TET2: variants seen among roughly 807,000 people sequenced by gnomAD.
The protein encoded by TET2 is methylcytosine dioxygenase TET2.
TET2 carries 299 observed loss-of-function variants against 142.9 expected under a neutral mutation model. That is an observed-to-expected ratio of 2.09 (90% confidence interval 1.90 to 2.30). The LOEUF (loss-of-function observed/expected upper bound fraction) is 2.30. Among genes scored for constraint, TET2 ranks in the 30% most tolerant of loss-of-function variants. The pLI, the probability that TET2 is intolerant of heterozygous loss-of-function variation, is 0.00. For synonymous variants in TET2, 819 were observed against 849.0 expected (o/e 0.96, Z 0.61); for missense variants, 2,418 against 2,378.0 (o/e 1.02, Z -0.35).
chr4:105,162,383 A>C (rs1450523801), intron 1 of TET2, among the ~76,000 whole-genome samples: 1 of 152,220 alleles, frequency 6.6e-6, no homozygotes, highest in African/African-American at 2.4e-5. Context: ...GATCATGAAT[A>C]CTGATACAGA....
chr4:105,252,817 A>G (rs987476233), intron 6 of TET2, among the ~76,000 whole-genome samples: 3 of 152,170 alleles, frequency 2.0e-5, no homozygotes, highest in Non-Finnish European at 2.9e-5. Flanking sequence ...TGCAAAAGCT[A>G]TAAAGACTAT....
chr4:105,201,540 T>C (rs1357217402), intron 2 of TET2, among the ~76,000 whole-genome samples: 1 of 152,082 alleles, frequency 6.6e-6, no homozygotes, highest in Non-Finnish European at 1.5e-5. Flanking sequence ...GTTCCACAAG[T>C]GGAAGTATTG....
At chr4:105,258,856 A>G (rs1197775919) in intron 6 of TET2, among the ~76,000 whole-genome samples, 2 of 152,188 alleles carry the variant, frequency 1.3e-5, no homozygotes, top group Non-Finnish European at 2.9e-5. Context: ...AACTAGGGCT[A>G]TAAAGCTGTA....
chr4:105,210,674 A>G (rs1727105978), intron 2 of TET2, among the ~76,000 whole-genome samples: 1 of 152,196 alleles, frequency 6.6e-6, no homozygotes, highest in Non-Finnish European at 1.5e-5. Flanking sequence ...AGCTCAAGAC[A>G]AAACTCTAGG....
chr4:105,273,707 T>TGA lies in TET2; in HGVS notation c.4537+801_4537+802dup, dbSNP rs555585065. On this transcript the variant is annotated intron_variant, in intron 10 of 10. Coordinates refer to ENST00000380013, the MANE Select transcript of TET2 (RefSeq NM_001127208.3). ...AAATAAGTAAGTTTGAAAATATGATTGAGAGAGAGAGAGGGGAGAATGAAA... is the reference window on the plus strand; with the variant it reads ...AAATAAGTAAGTTTGAAAATATGATTGAGAGAGAGAGAGAGGGGAGAATGAAA... Among the ~76,000 whole-genome samples the TGA allele has an allele frequency of 5.9e-5, 9 of 151,656 alleles. No homozygotes were observed. In the South Asian group the frequency reaches 1.7e-3, roughly 28 times the overall value.
In TET2 at chr4:105,276,191, C is replaced by T. The variant is rs1053451791; in HGVS notation, c.5681C>T (p.Pro1894Leu). 3 of 1,551,484 alleles carry T rather than the reference C, an allele frequency of 1.9e-6. No individual in the cohort carries two copies. The highest frequency in any genetic ancestry group is 2.6e-6 in the Non-Finnish European group (3 of 1,146,984). ...TPLKNPNRNH[P>L]TRISLVFYQH... ...TTAAAGAATCCCAATAGGAATCACC[C>T]CACCAGGATCTCCCTCGTCTTTTAC... Residue 1894 changes from proline (P) to leucine (L), a missense_variant, in exon 11 of 11, where the codon CCC (proline) becomes CTC (leucine). Pro to Leu is a moderately conservative substitution (Grantham distance 98). Transcript: ENST00000380013.
intron 10 of TET2, 73 bp from the exon 11 acceptor site, chr4:105,274,975 C>T (rs2110310663): frequency 6.9e-7 from 1 of 1,449,230 alleles, no homozygotes; most frequent in Non-Finnish European, 9.1e-7. Flanking sequence ...ATTTAAGTAT[C>T]CTCACTAGCC....
chr4:105,150,194 A>C (rs930267814), intron 1 of TET2, among the ~76,000 whole-genome samples: 1 of 152,202 alleles, frequency 6.6e-6, no homozygotes, highest in African/African-American at 2.4e-5. Flanking sequence ...TTCTTATGAA[A>C]TTACCTTGAA....
At chr4:105,219,842 C>G (rs1033248178) in intron 2 of TET2, among the ~76,000 whole-genome samples, 1 of 152,080 alleles carries the variant, frequency 6.6e-6, no homozygotes, top group Non-Finnish European at 1.5e-5. Context: ...TTTAATAGGG[C>G]AACCACTCCC....
At chr4:105,275,022 T>G in intron 10 of TET2, 26 bp from the exon 11 acceptor site, 1 of 1,473,188 alleles carries the variant, frequency 6.8e-7, no homozygotes. Context: ...GATACCTGTT[T>G]CTGTTCTCTC....
rs1560727036 is a variant in TET2 at position 105,176,785 on chromosome 4, A to AT, written c.-192-13575_-192-13574insT. 1.4e-4 allele frequency among the ~76,000 whole-genome samples: 21 copies of AT among 152,308 alleles called. No individual in the cohort carries two copies. In the East Asian group the frequency reaches 3.9e-3, roughly 28 times the overall value. On this transcript the variant is annotated intron_variant, in intron 1 of 10. Transcript: ENST00000380013. Reference sequence around the variant, plus strand: ...AAAGGATTCTAAAGTTTATATGGAGAGGCAAAAGAGCAGAATAGCCAACTC... The same window carrying AT: ...AAAGGATTCTAAAGTTTATATGGAGATGGCAAAAGAGCAGAATAGCCAACTC...
At chr4:105,174,387 C>A (rs1162597938) in intron 1 of TET2, among the ~76,000 whole-genome samples, 1 of 151,906 alleles carries the variant, frequency 6.6e-6, no homozygotes, top group African/African-American at 2.4e-5. Context: ...AAGTAAAAAA[C>A]AAAACAAAAC....
intron 1 of TET2, chr4:105,177,589 T>G (rs1323522547): frequency 6.6e-6 from 1 of 152,242 alleles, no homozygotes; most frequent in Admixed American, 6.5e-5. Flanking sequence ...TACCGCTACA[T>G]ACCTGTTAGA....
In TET2 at chr4:105,269,641, G is replaced by A. The variant is rs775677220; in HGVS notation, c.4076G>A (p.Arg1359His). 14 of 1,551,372 alleles carry A rather than the reference G, an allele frequency of 9.0e-6. No individual in the cohort carries two copies. Among genetic ancestry groups the A allele is most frequent in the Non-Finnish European group, 1.1e-5 (13 of 1,146,908 alleles). Residue 1359 changes from arginine (R) to histidine (H), a missense_variant, in exon 9 of 11, where the codon CGT (arginine) becomes CAT (histidine). Transcript: ENST00000380013. ...IEYEHRAPEC[R>H]LGLKEGRPFS... ...TATGAACACAGAGCACCAGAGTGCC[G>A]TCTGGGTCTGAAGGAAGGCCGTCCA...
chr4:105,274,937 T>C (rs2110310457), intron 10 of TET2, 111 bp from the exon 11 acceptor site: 1 of 1,355,696 alleles, frequency 7.4e-7, no homozygotes, highest in East Asian at 2.5e-5. Flanking sequence ...ATGGGTGTCG[T>C]ATATCACTAG....
In TET2 at chr4:105,276,363, G is replaced by A. The variant is rs373190775; in HGVS notation, c.5853G>A (p.Arg1951=). ...PQKSHGKKVK[R]EPAEPHETSE... ...AATCCCATGGCAAAAAAGTGAAACG[G>A]GAGCCTGCTGAGCCACATGAAACTT... The change falls in exon 11 of 11, where the codon CGG becomes CGA. Residue 1951 remains arginine (R), a synonymous_variant. Transcript: ENST00000380013. The A allele has an allele frequency of 1.2e-5, 19 of 1,551,876 alleles. No individual in the cohort carries two copies. The African/African-American group carries it at 2.3e-4, about 19-fold the overall frequency.
At chr4:105,237,377 A>G in intron 3 of TET2, 26 bp downstream of exon 3, 2 of 1,614,134 alleles carry the variant, frequency 1.2e-6, no homozygotes, top group South Asian at 2.2e-5. Context: ...GTACTGAGAC[A>G]CATGGCGTTT....
chr4:105,236,880 C>G lies in TET2; in HGVS notation c.2938C>G (p.Pro980Ala), dbSNP rs765671851. 1 of 1,614,066 alleles carries G rather than the reference C, an allele frequency of 6.2e-7. No individual in the cohort carries two copies. Among genetic ancestry groups the G allele is most frequent in the East Asian group, 2.2e-5 (1 of 44,886 alleles). Residue 980 changes from proline (P) to alanine (A), a missense_variant, in exon 3 of 11, where the codon CCA becomes GCA. Coordinates refer to ENST00000380013, the MANE Select transcript of TET2 (RefSeq NM_001127208.3). Reference protein sequence around the residue: ...TESCHSQMHRPIKVEPGCKPH... With the variant: ...TESCHSQMHRAIKVEPGCKPH... The stretch of plus-strand genomic sequence containing the variant: ...GTCTTGCCATAGTCAGATGCACAGG[C>G]CAATTAAGGTGGAACCTGGATGCAA...
At chr4:105,233,784 G>C in intron 2 of TET2, 113 bp from the exon 3 acceptor site, 1 of 599,182 alleles carries the variant, frequency 1.7e-6, no homozygotes, top group Non-Finnish European at 2.8e-6. Flanking sequence ...CTATGTCTAG[G>C]TATTCCGATA....
Sources: allele counts gnomAD v4.1 joint callset (sites outside exome capture counted in the v4.1 genomes callset), GRCh38; gene constraint gnomAD v4.1.1; transcripts MANE v1.5; gene names NCBI Gene and HGNC (gene_info 2026-07-23, HGNC 2026-07-21).